Variants in MYO1H observed in about 807,000 individuals in gnomAD.
The protein encoded by MYO1H is unconventional myosin-Ih.
In MYO1H, 118 loss-of-function variants were observed where a neutral mutation model predicts 149.3. The ratio of observed to expected loss-of-function variants is 0.79; its 90% confidence interval spans 0.68 to 0.92. The LOEUF is 0.92. MYO1H is among the 40% of genes least tolerant of loss of function. The probability of loss-of-function intolerance (pLI) is 0.00; values close to 1 mark genes in which losing one functional copy is unlikely to be tolerated. For missense variants in MYO1H, 1,212 were observed against 1,280.7 expected, an observed-to-expected ratio of 0.95 and a Z score of 0.82; for synonymous variants, 447 against 465.2, an observed-to-expected ratio of 0.96 and a Z score of 0.50.
intron 1 of MYO1H, among the ~76,000 whole-genome samples, chr12:109,373,490 T>A (rs1396734272): frequency 6.6e-6 from 1 of 152,132 alleles, no homozygotes; most frequent in Non-Finnish European, 1.5e-5. Context: ...GGTAAATCTA[T>A]TATTAATAGG....
intron 31 of MYO1H, chr12:109,446,305 T>G: frequency 3.1e-6 from 3 of 976,334 alleles, no homozygotes; most frequent in Non-Finnish European, 3.6e-6. Flanking sequence ...ACGGAGCTTG[T>G]TTTGATCCAG....
At chr12:109,356,277 G>A (rs1228025261) in intron 1 of MYO1H, among the ~76,000 whole-genome samples, 1 of 152,154 alleles carries the variant, frequency 6.6e-6, no homozygotes, top group East Asian at 1.9e-4. Flanking sequence ...AATTTCTACT[G>A]AGTGTTTGCA....
Position 109,397,695 on chromosome 12 carries a change from A to G in MYO1H, c.490-37A>G, listed in dbSNP as rs1231591736. Reference sequence around the variant, plus strand: ...GGTCAGGAATTTGATACGCATGGTGAGCTTAAATGACAGTGAATGACACTT... The same window carrying G: ...GGTCAGGAATTTGATACGCATGGTGGGCTTAAATGACAGTGAATGACACTT... On this transcript the variant is annotated intron_variant, in intron 4 of 31. Coordinates refer to ENST00000310903, the Ensembl canonical transcript of MYO1H. 4 of 1,551,996 alleles carry G rather than the reference A, an allele frequency of 2.6e-6. No homozygotes were observed. In the South Asian group the frequency reaches 3.5e-5, roughly 14 times the overall value.
chr12:109,443,048 A>ATATATGTGTACGTATGTGTG (rs1872243082), intron 27 of MYO1H, among the ~76,000 whole-genome samples: 2 of 62,492 alleles, frequency 3.2e-5, no homozygotes, highest in Admixed American at 3.1e-4. Context: ...GTGTGTGTGT[A>ATATATGTGTACGTATGTGTG]TATATGTGTA....
In MYO1H at chr12:109,425,056, G is replaced by A. The variant is rs573166684; in HGVS notation, c.1725+228G>A. On this transcript the variant is annotated intron_variant, in intron 17 of 31. Coordinates refer to ENST00000310903, the Ensembl canonical transcript of MYO1H. ...AGGCCCAGGTGGGAGAATCACTTGA[G>A]GCCAGGAGTTCAAGACCAGACTGGG... 3.9e-5 allele frequency among the ~76,000 whole-genome samples: 6 copies of A among 152,228 alleles called. No individual in the cohort carries two copies. In the East Asian group the frequency reaches 1.2e-3, roughly 29 times the overall value.
chr12:109,388,534 C>A (rs1411395497), intron 1 of MYO1H, 149 bp from the exon 2 acceptor site: 4 of 651,950 alleles, frequency 6.1e-6, no homozygotes, highest in Non-Finnish European at 9.5e-6. Flanking sequence ...GTATCCCCAA[C>A]CATATTGTAA....
At chr12:109,408,417 T>G (rs1802551789) in intron 10 of MYO1H, among the ~76,000 whole-genome samples, 1 of 152,124 alleles carries the variant, frequency 6.6e-6, no homozygotes, top group African/African-American at 2.4e-5. Context: ...CCAAGCCATC[T>G]TCCCACTGCT....
At chr12:109,404,166 C>T in intron 7 of MYO1H, 86 bp downstream of exon 7, 4 of 958,418 alleles carry the variant, frequency 4.2e-6, no homozygotes, top group Non-Finnish European at 4.9e-6. Context: ...AATACAGTGG[C>T]CAAATTCAAC....
intron 14 of MYO1H, among the ~76,000 whole-genome samples, chr12:109,414,754 C>CTGGA (rs1870832281): frequency 6.6e-6 from 1 of 152,108 alleles, no homozygotes; most frequent in Non-Finnish European, 1.5e-5. Context: ...GTTGCACAGG[C>CTGGA]TGGAGTCTAG....
exon 26 of MYO1H, chr12:109,441,628 T>C (rs1872133057): frequency 6.2e-7 from 1 of 1,610,646 alleles, no homozygotes; most frequent in Non-Finnish European, 8.5e-7. Context: ...CAGCAAAAGG[T>C]AGTTACAAGT....
At chr12:109,401,641 G>C (rs189463065) in intron 6 of MYO1H, among the ~76,000 whole-genome samples, 9 of 152,110 alleles carry the variant, frequency 5.9e-5, no homozygotes, top group African/African-American at 2.2e-4. Flanking sequence ...GTGATTTAGC[G>C]TACAGCCAAA....
At chr12:109,355,993 C>T (rs562900684) in intron 1 of MYO1H, among the ~76,000 whole-genome samples, 35 of 152,140 alleles carry the variant, frequency 2.3e-4, no homozygotes, top group African/African-American at 8.0e-4. Flanking sequence ...GCTCGGATTA[C>T]AGGCGTGAGC....
chr12:109,441,979 G>A (rs1400072563), intron 26 of MYO1H, among the ~76,000 whole-genome samples: 3 of 152,080 alleles, frequency 2.0e-5, no homozygotes, highest in Non-Finnish European at 2.9e-5. Flanking sequence ...CCCAGGAGGC[G>A]GAGGACGCAG....
chr12:109,414,710 TA>T (rs1296542182), intron 14 of MYO1H, among the ~76,000 whole-genome samples: 4 of 152,242 alleles, frequency 2.6e-5, no homozygotes, highest in African/African-American at 9.6e-5. Context: ...GATCTAATTT[TA>T]TTTTTTTATT....
At chr12:109,446,104 T>C in intron 31 of MYO1H, 8 of 985,364 alleles carry the variant, frequency 8.1e-6, no homozygotes, top group Non-Finnish European at 9.6e-6. Flanking sequence ...TAAAGTTGCT[T>C]TTTGGAATAC....
rs779871543 is a variant in MYO1H, at chr12:109,396,294, T to C, written c.291-90T>C. Reference sequence around the variant, plus strand: ...CAGTCTGGATGTGGCTTCCTGGAGATGGAGCACCTCATTTTTCTTCTTTGG... The same window carrying C: ...CAGTCTGGATGTGGCTTCCTGGAGACGGAGCACCTCATTTTTCTTCTTTGG... On this transcript the variant is annotated intron_variant, in intron 3 of 31. Coordinates refer to ENST00000310903, the Ensembl canonical transcript of MYO1H. The C allele has an allele frequency of 1.5e-5, 16 of 1,071,620 alleles. 1 individual carries two copies. The highest frequency in any genetic ancestry group is 2.1e-4 in the Middle Eastern group (1 of 4,816). The allele number at this position is 1,071,620 out of a possible 1,614,324, so 66.4% of individuals were successfully genotyped here.
At chr12:109,361,371 C>T (rs1380026110) in intron 1 of MYO1H, among the ~76,000 whole-genome samples, 5 of 152,068 alleles carry the variant, frequency 3.3e-5, no homozygotes, top group African/African-American at 7.2e-5. Context: ...TTTGGATTTT[C>T]GTGACTCGTT....
chr12:109,380,069 A>T (rs11066450), intron 1 of MYO1H, among the ~76,000 whole-genome samples: 38,885 of 151,318 alleles, frequency 0.26, 5,657 homozygotes, highest in Admixed American at 0.4. Context: ...TTCATTTTTT[A>T]CTTTTTGTAG....
chr12:109,431,520 A>G (rs540775317), intron 19 of MYO1H, among the ~76,000 whole-genome samples: 7 of 152,320 alleles, frequency 4.6e-5, no homozygotes, highest in African/African-American at 1.7e-4. Flanking sequence ...TGAGAACCCC[A>G]TGAGGAAGGT....
Sources: allele counts gnomAD v4.1 joint callset (sites outside exome capture counted in the v4.1 genomes callset), GRCh38; gene constraint gnomAD v4.1.1; transcripts MANE v1.5; gene names NCBI Gene and HGNC (gene_info 2026-07-23, HGNC 2026-07-21).